The following SLC12A6 variants were observed in gnomAD, a reference collection of about 807,000 sequenced individuals.
SLC12A6 encodes the protein K-Cl cotransporter 3.
In SLC12A6, 66 loss-of-function variants were observed where a neutral mutation model predicts 135.3. The observed-to-expected ratio is 0.49, with a 90% CI of 0.40 to 0.60. The LOEUF (loss-of-function observed/expected upper bound fraction) is 0.60. Ranked by LOEUF, SLC12A6 falls within the 20% of genes least tolerant of loss-of-function variation. SLC12A6 has a pLI of 0.00. For synonymous variants in SLC12A6, 513 were observed against 508.8 expected (o/e 1.01, Z -0.11); for missense variants, 1,058 against 1,452.3 (o/e 0.73, Z 4.41).
chr15:34,296,708 C>G, intron 2 of SLC12A6, among the ~76,000 whole-genome samples: 1 of 152,066 alleles, frequency 6.6e-6, no homozygotes, highest in East Asian at 1.9e-4. Context: ...ACAAACATTG[C>G]CGACCCAGGT....
chr15:34,335,418 C>T (rs1054602489), intron 2 of SLC12A6, among the ~76,000 whole-genome samples: 1 of 152,150 alleles, frequency 6.6e-6, no homozygotes, highest in African/African-American at 2.4e-5. Context: ...GTAAGCCTTG[C>T]TTTCACAAGT....
chr15:34,336,684 GTTCTTT>G lies in SLC12A6; in HGVS notation c.-10_-5del. 1 of 1,613,852 alleles carries G rather than the reference GTTCTTT, an allele frequency of 6.2e-7. No individual in the cohort carries two copies. On this transcript the variant is annotated 5_prime_UTR_variant, in exon 2 of 26. Transcript: ENST00000354181. ...TGGTGGTTTCTGGAGGATGCATTTT[GTTCTTT>G]TTAAGAACAAAAAAAGTGGGGGGAA...
At chr15:34,257,532 A>AT in intron 6 of SLC12A6, 110 bp downstream of exon 6, 1 of 838,228 alleles carries the variant, frequency 1.2e-6, no homozygotes, top group Non-Finnish European at 2.1e-6. Context: ...TGTTGAGATC[A>AT]TGAGTCCTTC....
chr15:34,318,461 T>C, intron 2 of SLC12A6: 1 of 946,362 alleles, frequency 1.1e-6, no homozygotes. Flanking sequence ...CCACAACACT[T>C]TTCTCTGTCC....
rs1890803128 is a variant in SLC12A6, at chr15:34,229,882, C to T, written c.*3999G>A. On this transcript the variant is annotated 3_prime_UTR_variant, in exon 26 of 26. Coordinates refer to ENST00000354181, the MANE Select transcript of SLC12A6 (RefSeq NM_001365088.1). ...CTCCTCAGCATACTCTTAAACTAAT[C>T]ACTTATGTTAAAAAGAACCAAAAGA... 5 of 1,193,298 alleles carry T rather than the reference C, an allele frequency of 4.2e-6. No individual in the cohort carries two copies. The highest frequency in any genetic ancestry group is 6.2e-6 in the Non-Finnish European group (5 of 800,786). The allele number at this position is 1,193,298 out of a possible 1,614,324, so 73.9% of individuals were successfully genotyped here. A position where few individuals can be genotyped will look rare whatever the true frequency, so the allele number is the denominator to read the frequency against.
intron 24 of SLC12A6, 116 bp from the exon 25 acceptor site, chr15:34,235,430 G>GTTTTTTTTTTTTTTTTTTT (rs1340964496): frequency 1.9e-6 from 1 of 539,148 alleles, no homozygotes; most frequent in African/African-American, 2.2e-5. Flanking sequence ...CTGATAAAAT[G>GTTTTTTTTTTTTTTTTTTT]ATTTTTTTTT....
At chr15:34,319,249 C>CCTCA (rs1281685388) in intron 2 of SLC12A6, among the ~76,000 whole-genome samples, 1 of 151,612 alleles carries the variant, frequency 6.6e-6, no homozygotes, top group East Asian at 2.0e-4. Context: ...GATTCTCCTG[C>CCTCA]CTCAGCCTCA....
chr15:34,254,754 G>C (rs1296814039), intron 8 of SLC12A6, among the ~76,000 whole-genome samples, 165 bp from the exon 9 acceptor site: 1 of 120,750 alleles, frequency 8.3e-6, no homozygotes, highest in Non-Finnish European at 1.8e-5. Flanking sequence ...TTCAGAAATG[G>C]GATGTCATGG....
At chr15:34,255,240 C>A (rs182562628) in intron 8 of SLC12A6, 22 bp downstream of exon 8, 2 of 1,549,450 alleles carry the variant, frequency 1.3e-6, no homozygotes, top group East Asian at 4.5e-5. Context: ...ATATTATAGA[C>A]CACAATGAAG....
rs564536857 is a variant in SLC12A6, at chr15:34,334,998, A to C, written c.271+1412T>G. Among the ~76,000 whole-genome samples, 6 of 152,334 alleles carry C rather than the reference A, an allele frequency of 3.9e-5. No homozygotes were observed. The East Asian group carries it at 1.2e-3, about 29-fold the overall frequency. ...TAACAAACTAAACTATAAATTACCT[A>C]ATGATAATTACAATATTAAGAAATT... is the stretch of plus-strand genomic sequence containing the variant. On this transcript the variant is annotated intron_variant, in intron 2 of 25. Coordinates refer to ENST00000354181, the MANE Select transcript of SLC12A6 (RefSeq NM_001365088.1).
intron 2 of SLC12A6, among the ~76,000 whole-genome samples, chr15:34,323,421 C>T (rs1434902480): frequency 6.6e-6 from 1 of 152,180 alleles, no homozygotes; most frequent in Non-Finnish European, 1.5e-5. Flanking sequence ...GCCTGAGAGC[C>T]GCCTCCTGTC....
rs537506763 is a variant in SLC12A6 at position 34,244,919 on chromosome 15, T to C, written c.1943+366A>G. Among the ~76,000 whole-genome samples the C allele has an allele frequency of 1.2e-4, 18 of 152,332 alleles. No individual in the cohort carries two copies. In the South Asian group the frequency reaches 3.5e-3, roughly 30 times the overall value. ...CTTATCCATTATCAGTTCCATAAGA[T>C]TGTGTCTTATCCATCTTTGTATTCC... On this transcript the variant is annotated intron_variant, in intron 15 of 25. Transcript: ENST00000354181.
intron 13 of SLC12A6, 127 bp downstream of exon 13, chr15:34,250,171 C>T (rs529750427): frequency 1.2e-5 from 9 of 756,376 alleles, no homozygotes; most frequent in Non-Finnish European, 1.5e-5. Flanking sequence ...TCCCAAAGTG[C>T]CGGGATTACA....
intron 3 of SLC12A6, among the ~76,000 whole-genome samples, chr15:34,270,804 AAAAACAAAAC>A (rs1215586554): frequency 3.3e-5 from 5 of 150,650 alleles, no homozygotes; most frequent in Admixed American, 6.6e-5. Flanking sequence ...TTCCATCTCA[AAAAACAAAAC>A]AAAACAAAAC....
intron 2 of SLC12A6, among the ~76,000 whole-genome samples, chr15:34,319,797 TA>T (rs1378514092): frequency 6.0e-4 from 77 of 128,724 alleles, no homozygotes; most frequent in Admixed American, 7.3e-4. Context: ...AGACTCTGTC[TA>T]AAAAAAAAAA....
rs532551827 is a variant in SLC12A6, at chr15:34,240,622, G to A, written c.2436+39C>T. ...TCTTACTACTTAACATCACAAAGCT[G>A]TAAACTGAGTTCCAATACCTCAAAA... On this transcript the variant is annotated intron_variant, in intron 19 of 25. Transcript: ENST00000354181. 164 of 1,562,824 alleles carry A rather than the reference G, an allele frequency of 1.0e-4. No individual in the cohort carries two copies. The South Asian group carries it at 1.8e-3, about 17-fold the overall frequency.
rs530201789 is a variant in SLC12A6, at chr15:34,331,057, CAAT to C, written c.271+5350_271+5352del. On this transcript the variant is annotated intron_variant, in intron 2 of 25. Transcript: ENST00000354181. ...ACTCTGTCTCAAAAAATAATAATAA[CAAT>C]AATAATAATAAGTAATAGTCACCTA... 7.0e-3 allele frequency among the ~76,000 whole-genome samples: 1,069 copies of C among 151,998 alleles called. 11 individuals are homozygous for C. The highest frequency in any genetic ancestry group is 0.024 in the African/African-American group (1,005 of 41,456).
intron 15 of SLC12A6, 149 bp downstream of exon 15, chr15:34,245,135 TG>T (rs1891894290): frequency 1.0e-5 from 7 of 677,928 alleles, no homozygotes; most frequent in South Asian, 9.5e-5. Flanking sequence ...TAGCCTTACT[TG>T]GAAGTTCTCA....
rs554226060 is a variant in SLC12A6, at chr15:34,330,471, G to A, written c.271+5939C>T. Among the ~76,000 whole-genome samples the A allele has an allele frequency of 3.9e-5, 6 of 151,980 alleles. No homozygotes were observed. In the South Asian group the frequency reaches 6.2e-4, roughly 16 times the overall value. On this transcript the variant is annotated intron_variant, in intron 2 of 25. Transcript: ENST00000354181. ...GCTAACTGCTTGAATGCAGGAGTTC[G>A]AGACCAGCCTGGGCAACATGGTAAA...
Sources: gnomAD v4.1 joint callset for allele counts (sites outside exome capture counted in the v4.1 genomes callset) on GRCh38, gnomAD v4.1.1 for gene constraint, MANE v1.5 for transcripts, NCBI Gene and HGNC (gene_info 2026-07-23, HGNC 2026-07-21) for gene names.